The following PHF2 variants were observed in gnomAD, a reference collection of about 807,000 sequenced individuals.
PHF2 encodes lysine-specific demethylase PHF2.
Under a neutral mutation model 120.5 loss-of-function variants are expected in PHF2, and 27 were observed. The ratio of observed to expected loss-of-function variants is 0.22; its 90% CI spans 0.17 to 0.31. The LOEUF is 0.31. PHF2 is among the 10% of genes least tolerant of loss of function. The pLI is 1.00. For synonymous variants in PHF2, 568 were observed against 592.5 expected, an observed-to-expected ratio of 0.96 and a Z score of 0.60; for missense variants, 1,024 against 1,434.8, an observed-to-expected ratio of 0.71 and a Z score of 4.63.
chr9:93,647,907 T>G (rs1469248200), intron 4 of PHF2, among the ~76,000 whole-genome samples: 2 of 152,148 alleles, frequency 1.3e-5, no homozygotes, highest in Non-Finnish European at 2.9e-5. Context: ...AAAATTCTTT[T>G]TATATACATC....
chr9:93,584,496 A>G (rs904621272), intron 1 of PHF2, among the ~76,000 whole-genome samples: 1 of 152,132 alleles, frequency 6.6e-6, no homozygotes, highest in Non-Finnish European at 1.5e-5. Context: ...TTTGTTGATG[A>G]CTATTCTTTC....
chr9:93,593,198 G>C (rs906824244), intron 1 of PHF2, among the ~76,000 whole-genome samples: 1 of 151,698 alleles, frequency 6.6e-6, no homozygotes, highest in East Asian at 1.9e-4. Flanking sequence ...TGTTGGGAGG[G>C]CCTCCTTTAT....
chr9:93,632,248 A>C (rs1826014304), intron 2 of PHF2, among the ~76,000 whole-genome samples: 1 of 152,230 alleles, frequency 6.6e-6, no homozygotes, highest in South Asian at 2.1e-4. Context: ...CCAGCTGCCC[A>C]GGGAGAGACA....
intron 17 of PHF2, among the ~76,000 whole-genome samples, chr9:93,671,508 G>T (rs1172655805): frequency 8.6e-6 from 1 of 116,166 alleles, no homozygotes; most frequent in East Asian, 2.8e-4. Flanking sequence ...GTAGATGCAG[G>T]TGTGGGTGTG....
chr9:93,676,673 C>T lies in PHF2; in HGVS notation c.2912C>T (p.Ser971Phe), dbSNP rs1311550146. 2 of 1,586,572 alleles carry T rather than the reference C, an allele frequency of 1.3e-6. No individual in the cohort carries two copies. The highest frequency in any genetic ancestry group is 4.6e-5 in the East Asian group (2 of 43,614). The change falls in exon 21 of 22, where the codon TCC becomes TTC. Residue 971 changes from serine to phenylalanine, a missense_variant. Ser to Phe is a radical substitution (Grantham distance 155). Around this residue, in one of 2 missense-constraint regions of PHF2, gnomAD observed 677 missense variants for 857.4 expected, o/e 0.79. Transcript: ENST00000359246. The stretch of plus-strand genomic sequence containing the variant: ...ACCACCTCCCCTTCCACCTCCACCT[C>T]CATCTCTGCCGGCACCACCTCCACC... ...PNTTSPSTSTSISAGTTSTST... is the reference protein window; with the variant it reads ...PNTTSPSTSTFISAGTTSTST...
chr9:93,675,064 T>G, intron 19 of PHF2, 42 bp downstream of exon 19: 4 of 1,462,200 alleles, frequency 2.7e-6, no homozygotes, highest in Non-Finnish European at 3.8e-6. Flanking sequence ...TGACACCCAG[T>G]GTGGAAGCTG....
intron 1 of PHF2, among the ~76,000 whole-genome samples, chr9:93,619,236 G>A (rs1473221161): frequency 6.6e-6 from 1 of 152,102 alleles, no homozygotes; most frequent in South Asian, 2.1e-4. Flanking sequence ...CCTGGCTCCT[G>A]GGAGGTCACA....
At chr9:93,603,383 C>T (rs1448402289) in intron 1 of PHF2, among the ~76,000 whole-genome samples, 3 of 152,124 alleles carry the variant, frequency 2.0e-5, no homozygotes, top group African/African-American at 7.2e-5. Flanking sequence ...AGGGCATTGA[C>T]AAGCAGTGGA....
intron 1 of PHF2, among the ~76,000 whole-genome samples, chr9:93,583,188 T>A (rs1429043826): frequency 2.6e-5 from 4 of 152,248 alleles, no homozygotes; most frequent in Admixed American, 6.5e-5. Context: ...TGTGTCTGAC[T>A]TCTTTCACTT....
intron 1 of PHF2, among the ~76,000 whole-genome samples, chr9:93,602,757 G>A (rs1157860858): frequency 6.6e-6 from 1 of 152,162 alleles, no homozygotes; most frequent in Non-Finnish European, 1.5e-5. Context: ...CACTCTTGGG[G>A]GCAGATTGCC....
At position 93,584,618 on chromosome 9, in the gene PHF2, A is replaced by C. The variant is rs555047309; in HGVS notation, c.98+7747A>C. ...TGGTCTATATGTGTCTCCTTATGCCAGTACCACACTGCTTTGATTACTGCA... is the reference window on the plus strand; with the variant it reads ...TGGTCTATATGTGTCTCCTTATGCCCGTACCACACTGCTTTGATTACTGCA... On this transcript the variant is annotated intron_variant, in intron 1 of 21. Coordinates refer to ENST00000359246, the MANE Select transcript of PHF2 (RefSeq NM_005392.4). 3.9e-5 allele frequency among the ~76,000 whole-genome samples: 6 copies of C among 152,348 alleles called. No homozygotes were observed. In the East Asian group the frequency reaches 5.8e-4, roughly 15 times the overall value.
chr9:93,658,323 A>C, intron 10 of PHF2, 87 bp downstream of exon 10: 1 of 1,007,710 alleles, frequency 9.9e-7, no homozygotes, highest in South Asian at 1.4e-5. Flanking sequence ...AATGTCCAGG[A>C]CTTGTCCTGC....
intron 2 of PHF2, among the ~76,000 whole-genome samples, chr9:93,631,057 C>T (rs759780927): frequency 3.3e-5 from 5 of 152,172 alleles, no homozygotes; most frequent in Admixed American, 6.5e-5. Context: ...ACCAGACCCC[C>T]GGACCCCTGT....
intron 1 of PHF2, among the ~76,000 whole-genome samples, chr9:93,627,926 G>A (rs2131647479): frequency 6.6e-6 from 1 of 152,298 alleles, no homozygotes; most frequent in South Asian, 2.1e-4. Flanking sequence ...TTACCCACTT[G>A]GGGAGATCTG....
intron 14 of PHF2, among the ~76,000 whole-genome samples, chr9:93,663,856 T>C (rs1377881180): frequency 6.6e-6 from 1 of 152,144 alleles, no homozygotes; most frequent in East Asian, 1.9e-4. Flanking sequence ...GACACACCTC[T>C]GGGGACTCCT....
In PHF2 at chr9:93,656,605, A is replaced by G; in HGVS notation, c.1147+10A>G. The G allele has an allele frequency of 6.3e-7, 1 of 1,597,058 alleles. No individual in the cohort carries two copies. Among genetic ancestry groups the G allele is most frequent in the Non-Finnish European group, 8.6e-7 (1 of 1,165,532 alleles). On this transcript the variant is annotated intron_variant, in intron 9 of 21. Transcript: ENST00000359246. This position sits in a 1 kb window ranked among gnomAD's most constrained non-coding sequence, Gnocchi z 4.1. ...CTGGAGGCATTCAAAGGTACTGGTC[A>G]CTCCGGGGTGGGCGTCCAAGCCTGG...
chr9:93,614,514 G>A (rs1166028026), intron 1 of PHF2, among the ~76,000 whole-genome samples: 3 of 152,236 alleles, frequency 2.0e-5, no homozygotes, highest in East Asian at 1.9e-4. Context: ...TGGGTGAAGT[G>A]GGGGCACAGC....
intron 1 of PHF2, among the ~76,000 whole-genome samples, chr9:93,608,552 C>T (rs1390762394): frequency 6.6e-6 from 1 of 152,014 alleles, no homozygotes; most frequent in Non-Finnish European, 1.5e-5. Flanking sequence ...GTGGAATTCA[C>T]CAGTGGGTTC....
rs940725534 is a variant in PHF2, at chr9:93,609,095, T to C, written c.99-20875T>C. Among the ~76,000 whole-genome samples, 5 of 150,070 alleles carry C rather than the reference T, an allele frequency of 3.3e-5. 2 individuals are homozygous for C. The highest frequency in any genetic ancestry group is 1.3e-4 in the Admixed American group (2 of 14,938). On this transcript the variant is annotated intron_variant, in intron 1 of 21. Transcript: ENST00000359246. ...GCTTTTTTAAAAAACTTTTTTTTAG[T>C]GGTTGTTTTAAAATGTGCGATATAC...
Sources: allele counts gnomAD v4.1 joint callset (sites outside exome capture counted in the v4.1 genomes callset), GRCh38; gene constraint gnomAD v4.1.1; regional missense constraint gnomAD v4.1.1; non-coding constraint Gnocchi (gnomAD v3.1); transcripts MANE v1.5; gene names NCBI Gene and HGNC (gene_info 2026-07-23, HGNC 2026-07-21).